Variants in SPRING1 observed in about 807,000 individuals in gnomAD.
SPRING1 encodes the protein SREBF pathway regulator in golgi 1, also known as SREBP regulating gene protein.
In SPRING1, 14 loss-of-function variants were observed where a neutral mutation model predicts 24.7. The ratio of observed to expected loss-of-function variants is 0.57; its 90% confidence interval spans 0.37 to 0.88. SPRING1 has a LOEUF of 0.88. Among genes scored for constraint, SPRING1 ranks in the 40% least tolerant of loss-of-function variants. The probability of loss-of-function intolerance (pLI) is 0.00; values close to 1 mark genes in which losing one functional copy is unlikely to be tolerated. For synonymous variants in SPRING1, 93 were observed against 106.1 expected (o/e 0.88, Z 0.76); for missense variants, 255 against 268.4 (o/e 0.95, Z 0.35).
intron 1 of SPRING1, among the ~76,000 whole-genome samples, chr12:116,724,823 C>A (rs889341228): frequency 6.6e-6 from 1 of 152,170 alleles, no homozygotes; most frequent in African/African-American, 2.4e-5. Flanking sequence ...GACTTTTGCA[C>A]ATTAGATTAA....
intron 2 of SPRING1, among the ~76,000 whole-genome samples, chr12:116,721,240 C>G (rs140025112): frequency 6.6e-6 from 1 of 152,256 alleles, no homozygotes; most frequent in Middle Eastern, 3.4e-3. Context: ...GGGAATGGGA[C>G]AGAAAAATGT....
Position 116,720,476 on chromosome 12 carries a change from A to G in SPRING1, c.269-29T>C, listed in dbSNP as rs760463457. On this transcript the variant is annotated intron_variant, in intron 2 of 4. Transcript: ENST00000261318. This position sits in a 1 kb window ranked among gnomAD's most constrained non-coding sequence, Gnocchi z 4.0. ...AAAGTCAGAGACCAACCTTAGCATA[A>G]AACCAGCAGCCTTGCCACCTCCCTA... 79 of 1,611,320 alleles carry G rather than the reference A, an allele frequency of 4.9e-5. No individual in the cohort carries two copies. Among genetic ancestry groups the G allele is most frequent in the Non-Finnish European group, 6.7e-5 (79 of 1,178,642 alleles).
At chr12:116,736,330 G>A (rs564880612) in intron 1 of SPRING1, among the ~76,000 whole-genome samples, 5 of 152,296 alleles carry the variant, frequency 3.3e-5, no homozygotes, top group African/African-American at 1.2e-4. Flanking sequence ...ACAAGACAGA[G>A]AAGGGACAAC....
chr12:116,733,886 A>G (rs1379126550), intron 1 of SPRING1, among the ~76,000 whole-genome samples: 2 of 152,018 alleles, frequency 1.3e-5, no homozygotes, highest in African/African-American at 2.4e-5. Context: ...TTTTACTCTT[A>G]TATTTTTTGA....
chr12:116,714,698 G>A lies in SPRING1; in HGVS notation c.*3112C>T, dbSNP rs981324992. The A allele has an allele frequency of 2.0e-5, 3 of 151,968 alleles. No homozygotes were observed. Among genetic ancestry groups the A allele is most frequent in the African/African-American group, 7.3e-5 (3 of 41,138 alleles). The allele number at this position is 151,968 out of a possible 1,614,324, so 9.4% of individuals were successfully genotyped here. On this transcript the variant is annotated 3_prime_UTR_variant, in exon 5 of 5. Coordinates refer to ENST00000261318, the MANE Select transcript of SPRING1 (RefSeq NM_024738.4). The stretch of plus-strand genomic sequence containing the variant: ...TGATCCCAGCTACTCAGGAGGCTGA[G>A]GCAGGAGAATTGCTTGAACCCAGGA...
In SPRING1 at chr12:116,715,627, G is replaced by T. The variant is rs1006564376; in HGVS notation, c.*2183C>A. The T allele has an allele frequency of 7.9e-5, 12 of 152,252 alleles. No homozygotes were observed. Among genetic ancestry groups the T allele is most frequent in the Non-Finnish European group, 1.8e-4 (12 of 68,062 alleles). 9.4% of individuals were successfully genotyped at this position (152,252 alleles called of 1,614,324 possible). On this transcript the variant is annotated 3_prime_UTR_variant, in exon 5 of 5. Transcript: ENST00000261318. The stretch of plus-strand genomic sequence containing the variant: ...CGCCCCTCTTTTGGCCTGGACAATT[G>T]AAATATATCTGCTCTCAGGGGAGAC...
chr12:116,737,632 GAAGGAAGGGAAGGGGAGAAAGA>G (rs1472606112), intron 1 of SPRING1, among the ~76,000 whole-genome samples, 136 bp downstream of exon 1: 102 of 149,318 alleles, frequency 6.8e-4, no homozygotes, highest in African/African-American at 2.4e-3. Flanking sequence ...AAGGAAGGAG[GAAGGAAGGGAAGGGGAGAAAGA>G]AAGGAAGGGA....
rs890105853 is a variant in SPRING1 at position 116,720,930 on chromosome 12, A to G, written c.269-483T>C. ...AATATCTTTCAGATGCTCGCTGCATACTGACTAATTTGGAGATTACAAAAA... is the reference window on the plus strand; with the variant it reads ...AATATCTTTCAGATGCTCGCTGCATGCTGACTAATTTGGAGATTACAAAAA... On this transcript the variant is annotated intron_variant, in intron 2 of 4. Coordinates refer to ENST00000261318, the MANE Select transcript of SPRING1 (RefSeq NM_024738.4). This position sits in a 1 kb window ranked among gnomAD's most constrained non-coding sequence, Gnocchi z 4.0. Among the ~76,000 whole-genome samples the G allele has an allele frequency of 1.3e-5, 2 of 152,196 alleles. No individual in the cohort carries two copies. The highest frequency in any genetic ancestry group is 2.9e-5 in the Non-Finnish European group (2 of 68,028).
intron 4 of SPRING1, among the ~76,000 whole-genome samples, chr12:116,719,513 A>G (rs1870314216): frequency 6.6e-6 from 1 of 152,230 alleles, no homozygotes; most frequent in African/African-American, 2.4e-5. Flanking sequence ...TAAGGAACAA[A>G]TGTACCAACC....
Position 116,720,429 on chromosome 12 carries a change from T to G in SPRING1, c.287A>C (p.Lys96Thr). The G allele has an allele frequency of 6.2e-7, 1 of 1,614,122 alleles. No individual in the cohort carries two copies. Among genetic ancestry groups the G allele is most frequent in the Non-Finnish European group, 8.5e-7 (1 of 1,180,000 alleles). ...ACAGCAGCCATTTACCAGCAAATCCTTCCTCTCGCAAACGTAGCCTGAAAG... is the reference window on the plus strand; with the variant it reads ...ACAGCAGCCATTTACCAGCAAATCCGTCCTCTCGCAAACGTAGCCTGAAAG... ...TDELGYVCER[K>T]DLLVNGCCNV... Residue 96 changes from lysine to threonine, a missense_variant, in exon 3 of 5, where the codon AAG becomes ACG. Lys to Thr is a moderately conservative substitution (Grantham distance 78). Transcript: ENST00000261318. This position sits in a 1 kb window ranked among gnomAD's most constrained non-coding sequence, Gnocchi z 4.0.
At position 116,715,468 on chromosome 12, in the gene SPRING1, T is replaced by C. The variant is rs768399510; in HGVS notation, c.*2342A>G. On this transcript the variant is annotated 3_prime_UTR_variant, in exon 5 of 5. Transcript: ENST00000261318. Reference sequence around the variant, plus strand: ...GGTGCTCTGCAGCCCAGCTTCATTATGGAGGCTCAAGCGCTGTGAATTTCC... The same window carrying C: ...GGTGCTCTGCAGCCCAGCTTCATTACGGAGGCTCAAGCGCTGTGAATTTCC... 1 of 152,238 alleles carries C rather than the reference T, an allele frequency of 6.6e-6. No individual in the cohort carries two copies. The highest frequency in any genetic ancestry group is 2.4e-5 in the African/African-American group (1 of 41,450). 9.4% of individuals were successfully genotyped at this position (152,238 alleles called of 1,614,324 possible). A position where few individuals can be genotyped will look rare whatever the true frequency, so the allele number is the denominator to read the frequency against.
At chr12:116,736,777 T>G (rs1263622645) in intron 1 of SPRING1, among the ~76,000 whole-genome samples, 1 of 152,082 alleles carries the variant, frequency 6.6e-6, no homozygotes, top group Non-Finnish European at 1.5e-5. Context: ...CCTTGCTGTT[T>G]CTCCCAGAAA....
intron 1 of SPRING1, among the ~76,000 whole-genome samples, chr12:116,726,513 G>C (rs1870699529): frequency 6.6e-6 from 1 of 152,154 alleles, no homozygotes; most frequent in Non-Finnish European, 1.5e-5. Context: ...GACCGGGAGG[G>C]GGGCGGTTAT....
In SPRING1 at chr12:116,713,001, C is replaced by T. The variant is rs1869939787; in HGVS notation, c.*4809G>A. 2 of 152,300 alleles carry T rather than the reference C, an allele frequency of 1.3e-5. No individual in the cohort carries two copies. Among genetic ancestry groups the T allele is most frequent in the Admixed American group, 6.5e-5 (1 of 15,282 alleles). The allele number at this position is 152,300 out of a possible 1,614,324, so 9.4% of individuals were successfully genotyped here. ...CAGCACTCAGCTACCAGGAGCTCCT[C>T]TGTTCAATCTAACGGGGAGATATGA... On this transcript the variant is annotated 3_prime_UTR_variant, in exon 5 of 5. Coordinates refer to ENST00000261318, the MANE Select transcript of SPRING1 (RefSeq NM_024738.4).
At position 116,737,781 on chromosome 12, in the gene SPRING1, G is replaced by T; in HGVS notation, c.111+9C>A. The T allele has an allele frequency of 6.4e-7, 1 of 1,572,708 alleles. No homozygotes were observed. Among genetic ancestry groups the T allele is most frequent in the Non-Finnish European group, 8.6e-7 (1 of 1,158,094 alleles). ...AGGGAAGGGGAGGAGGGGAAGGGCG[G>T]CCACTGACCTGCTTGAAGGTGCTGC... is the stretch of plus-strand genomic sequence containing the variant. On this transcript the variant is annotated intron_variant, in intron 1 of 4. Coordinates refer to ENST00000261318, the MANE Select transcript of SPRING1 (RefSeq NM_024738.4).
At chr12:116,737,490 G>A (rs566208802) in intron 1 of SPRING1, among the ~76,000 whole-genome samples, 2 of 140,234 alleles carry the variant, frequency 1.4e-5, no homozygotes, top group African/African-American at 5.4e-5. Context: ...GAGGAAAGAA[G>A]AAAGGGAAGG....
chr12:116,726,330 T>G (rs910873629), intron 1 of SPRING1, among the ~76,000 whole-genome samples: 1 of 152,242 alleles, frequency 6.6e-6, no homozygotes, highest in African/African-American at 2.4e-5. Flanking sequence ...TGTCCCACAT[T>G]ACATCTACCA....
intron 1 of SPRING1, among the ~76,000 whole-genome samples, chr12:116,734,143 C>T (rs1225583516): frequency 6.6e-6 from 1 of 152,202 alleles, no homozygotes; most frequent in Non-Finnish European, 1.5e-5. Context: ...TCCCAAACTG[C>T]TAGGATTACA....
chr12:116,729,279 C>A (rs1870861389), intron 1 of SPRING1, among the ~76,000 whole-genome samples: 1 of 152,202 alleles, frequency 6.6e-6, no homozygotes, highest in Non-Finnish European at 1.5e-5. Context: ...AAAGGGAGGA[C>A]TACTTTAACA....
Sources: gnomAD v4.1 joint callset for allele counts (sites outside exome capture counted in the v4.1 genomes callset) on GRCh38, gnomAD v4.1.1 for gene constraint, Gnocchi (gnomAD v3.1) non-coding constraint, MANE v1.5 for transcripts, NCBI Gene and HGNC (gene_info 2026-07-23, HGNC 2026-07-21) for gene names.